Variants in GPT observed in about 807,000 individuals in gnomAD.
GPT encodes the protein glutamic--pyruvic transaminase.
GPT carries 60 observed loss-of-function variants against 51.4 expected under a neutral mutation model. That is an observed-to-expected ratio of 1.17 (90% CI 0.95 to 1.45). The LOEUF is 1.45. GPT is among the 40% of genes most tolerant of loss of function. The pLI is 0.00. For missense variants in GPT, 853 were observed against 704.0 expected (o/e 1.21, Z -2.40); for synonymous variants, 397 against 303.1 (o/e 1.31, Z -3.22).
chr8:144,504,958 A>C (rs1217733062), intron 3 of GPT, 40 bp from the exon 4 acceptor site: 7 of 1,612,938 alleles, frequency 4.3e-6, no homozygotes, highest in South Asian at 3.3e-5. Context: ...GCTGAGGAGA[A>C]CTTCACCTGT....
rs779666591 is a variant in GPT at position 144,506,171 on chromosome 8, G to C, written c.956+40G>C. ...GGCGGGTGGGGGCTCGCGGGCCATG[G>C]CCAGGCCCTCCTCGCCCGATGGGCC... On this transcript the variant is annotated intron_variant, in intron 7 of 10. Coordinates refer to ENST00000394955, the MANE Select transcript of GPT (RefSeq NM_005309.3). This position sits in a 1 kb window ranked among gnomAD's most constrained non-coding sequence, Gnocchi z 7.0. The C allele has an allele frequency of 3.4e-5, 54 of 1,604,076 alleles. No individual in the cohort carries two copies. The highest frequency in any genetic ancestry group is 4.5e-5 in the Non-Finnish European group (53 of 1,176,104).
At chr8:144,503,245 G>C (rs1055118957), upstream of GPT, 7 of 152,308 alleles carry the variant, frequency 4.6e-5, no homozygotes, top group East Asian at 1.4e-3. Flanking sequence ...TGCTCAGAGG[G>C]CCGGCTCCCT....
At position 144,506,574 on chromosome 8, in the gene GPT, G is replaced by A. The variant is rs1334007331; in HGVS notation, c.1205G>A (p.Gly402Asp). 6.3e-7 allele frequency: 1 copy of A among 1,578,784 alleles called. No homozygotes were observed. Among genetic ancestry groups the A allele is most frequent in the South Asian group, 1.2e-5 (1 of 86,424 alleles). Residue 402 changes from glycine (G) to aspartate (D), a missense_variant, in exon 9 of 11, where the codon GGC becomes GAC. Transcript: ENST00000394955. The surrounding 1 kb of genome is among the most constrained non-coding windows in gnomAD (Gnocchi z 7.0). Reference sequence around the variant, plus strand: ...GAGCAGGTCTTCAATGAGGCTCCTGGCATCAGCTGCAACCCAGTGCAGGGC... The same window carrying A: ...GAGCAGGTCTTCAATGAGGCTCCTGACATCAGCTGCAACCCAGTGCAGGGC... ...LTEQVFNEAPGISCNPVQGAM... is the reference protein window; with the variant it reads ...LTEQVFNEAPDISCNPVQGAM...
intron 1 of GPT, 30 bp downstream of exon 1, chr8:144,504,496 A>G (rs758832808): frequency 6.2e-7 from 1 of 1,607,862 alleles, no homozygotes; most frequent in Non-Finnish European, 8.5e-7. Flanking sequence ...GCTGCCCTCC[A>G]GGTCACAATG....
At position 144,505,284 on chromosome 8, in the gene GPT, A is replaced by G. The variant is rs148683067; in HGVS notation, c.534A>G (p.Thr178=). ...TGCTGGTGGCCGGCGAGGGCCACAC[A>G]CGCACGGGTGTGCTCATCCCCATCC... is the stretch of plus-strand genomic sequence containing the variant. ...LKLLVAGEGH[T]RTGVLIPIPQ... The change falls in exon 5 of 11, where the codon ACA becomes ACG. Residue 178 remains threonine (T), a synonymous_variant. Transcript: ENST00000394955. 1.3e-6 allele frequency: 2 copies of G among 1,582,992 alleles called. No homozygotes were observed. Among genetic ancestry groups the G allele is most frequent in the African/African-American group, 2.7e-5 (2 of 74,180 alleles).
rs781279489 is a variant in GPT at position 144,505,932 on chromosome 8, G to A, written c.819+5G>A. 1.2e-6 allele frequency: 2 copies of A among 1,609,974 alleles called. No homozygotes were observed. Among genetic ancestry groups the A allele is most frequent in the Non-Finnish European group, 8.5e-7 (1 of 1,178,906 alleles). On this transcript the variant is annotated splice_donor_5th_base_variant and intron_variant, in intron 6 of 10. Coordinates refer to ENST00000394955, the MANE Select transcript of GPT (RefSeq NM_005309.3). ...CTCTTTCTGCTGGCGGACGAGGTGC[G>A]CGGCGCGGGGGAGCGGGAAGCCGGG...
At position 144,505,294 on chromosome 8, in the gene GPT, G is replaced by A. The variant is rs1366535069; in HGVS notation, c.544G>A (p.Val182Met). ...CGGCGAGGGCCACACACGCACGGGTGTGCTCATCCCCATCCCCCAGTACCC... is the reference window on the plus strand; with the variant it reads ...CGGCGAGGGCCACACACGCACGGGTATGCTCATCCCCATCCCCCAGTACCC... ...VAGEGHTRTGVLIPIPQYPLY... is the reference protein window; with the variant it reads ...VAGEGHTRTGMLIPIPQYPLY... Residue 182 changes from valine (V) to methionine (M), a missense_variant, in exon 5 of 11, where the codon GTG (valine) becomes ATG (methionine). Val to Met is a conservative substitution (Grantham distance 21). Transcript: ENST00000394955. 1.9e-6 allele frequency: 3 copies of A among 1,576,634 alleles called. No individual in the cohort carries two copies. In the African/African-American group the frequency reaches 4.0e-5, roughly 21 times the overall value.
intron 4 of GPT, 52 bp from the exon 5 acceptor site, chr8:144,505,194 A>C: frequency 6.2e-7 from 1 of 1,612,374 alleles, no homozygotes; most frequent in Non-Finnish European, 8.5e-7. Context: ...AGGGTGGGGG[A>C]CAGGTGCGGC....
chr8:144,505,334 C>A lies in GPT; in HGVS notation c.584C>A (p.Thr195Lys). The A allele has an allele frequency of 6.4e-7, 1 of 1,571,416 alleles. No homozygotes were observed. Among genetic ancestry groups the A allele is most frequent in the Non-Finnish European group, 8.6e-7 (1 of 1,158,788 alleles). ...CCCCAGTACCCACTCTACTCGGCCACGCTGGCAGAGCTGGGCGCAGTGCAG... is the reference window on the plus strand; with the variant it reads ...CCCCAGTACCCACTCTACTCGGCCAAGCTGGCAGAGCTGGGCGCAGTGCAG... ...PIPQYPLYSA[T>K]LAELGAVQVD... Residue 195 changes from threonine (T) to lysine (K), a missense_variant, in exon 5 of 11, where the codon ACG (threonine) becomes AAG (lysine). Physicochemically the swap from Thr to Lys is moderately conservative, Grantham distance 78. Coordinates refer to ENST00000394955, the MANE Select transcript of GPT (RefSeq NM_005309.3).
Position 144,504,798 on chromosome 8 carries a change from C to T in GPT, c.280C>T (p.Leu94Phe), listed in dbSNP as rs748119689. The change falls in exon 3 of 11, where the codon CTT becomes TTT. Residue 94 changes from leucine to phenylalanine, a missense_variant. Coordinates refer to ENST00000394955, the MANE Select transcript of GPT (RefSeq NM_005309.3). Reference sequence around the variant, plus strand: ...CTTGGCCCTCTGTGTTAACCCTGATCTTCTGAGCAGCCCCAACTTCCCTGA... The same window carrying T: ...CTTGGCCCTCTGTGTTAACCCTGATTTTCTGAGCAGCCCCAACTTCCCTGA... Reference protein sequence around the residue: ...QVLALCVNPDLLSSPNFPDDA... With the variant: ...QVLALCVNPDFLSSPNFPDDA... The T allele has an allele frequency of 6.8e-6, 11 of 1,613,604 alleles. No homozygotes were observed. In the Admixed American group the frequency reaches 1.0e-4, roughly 15 times the overall value.
chr8:144,503,960 AC>A (rs988131085), upstream of GPT: 14 of 387,248 alleles, frequency 3.6e-5, no homozygotes, highest in East Asian at 3.6e-4. Flanking sequence ...GTCTGTACCT[AC>A]CCCCCATGTG....
Position 144,504,662 on chromosome 8 carries a change from T to C in GPT, c.221T>C (p.Met74Thr), listed in dbSNP as rs879744415. The change falls in exon 2 of 11, where the codon ATG becomes ACG. Residue 74 changes from methionine (M) to threonine (T), a missense_variant. Physicochemically the swap from Met to Thr is moderately conservative, Grantham distance 81 (BLOSUM62 -1). Coordinates refer to ENST00000394955, the MANE Select transcript of GPT (RefSeq NM_005309.3). Reference sequence around the variant, plus strand: ...GCCAACATCGGGGACGCACAGGCTATGGGGCAGAGGCCCATCACCTTCCTG... The same window carrying C: ...GCCAACATCGGGGACGCACAGGCTACGGGGCAGAGGCCCATCACCTTCCTG... Reference protein sequence around the residue: ...IRANIGDAQAMGQRPITFLRQ... With the variant: ...IRANIGDAQATGQRPITFLRQ... The C allele has an allele frequency of 3.7e-6, 6 of 1,613,192 alleles. No homozygotes were observed. Among genetic ancestry groups the C allele is most frequent in the East Asian group, 2.2e-5 (1 of 44,886 alleles).
At position 144,506,843 on chromosome 8, in the gene GPT, G is replaced by A. The variant is rs371318945; in HGVS notation, c.1400G>A (p.Arg467Gln). 18 of 1,612,380 alleles carry A rather than the reference G, an allele frequency of 1.1e-5. No homozygotes were observed. Among genetic ancestry groups the A allele is most frequent in the South Asian group, 4.4e-5 (4 of 91,072 alleles). The change falls in exon 10 of 11, where the codon CGG (arginine) becomes CAG (glutamine). Residue 467 changes from arginine to glutamine, a missense_variant and splice_region_variant. Transcript: ENST00000394955. This position sits in a 1 kb window ranked among gnomAD's most constrained non-coding sequence, Gnocchi z 7.0. ...CAGCGGGAAGGCACCTACCACTTCC[G>A]GTGAGGCCTGGCCCTCACTCCCTGT... ...FGQREGTYHFRMTILPPLEKL... is the reference protein window; with the variant it reads ...FGQREGTYHFQMTILPPLEKL...
At chr8:144,503,933 G>A, upstream of GPT, 1 of 345,426 alleles carries the variant, frequency 2.9e-6, no homozygotes, top group South Asian at 2.5e-5. Flanking sequence ...TAGTCCCTCA[G>A]AGCTGTCCGG....
chr8:144,505,198 G>A (rs374426053), intron 4 of GPT, 48 bp from the exon 5 acceptor site: 69 of 1,612,352 alleles, frequency 4.3e-5, no homozygotes, highest in Non-Finnish European at 5.8e-5. Context: ...TGGGGGACAG[G>A]TGCGGCCCCA....
chr8:144,507,025 G>A lies in GPT; in HGVS notation c.*25G>A. The A allele has an allele frequency of 6.4e-7, 1 of 1,569,954 alleles. No individual in the cohort carries two copies. Among genetic ancestry groups the A allele is most frequent in the Non-Finnish European group, 8.8e-7 (1 of 1,142,406 alleles). On this transcript the variant is annotated 3_prime_UTR_variant, in exon 11 of 11. Transcript: ENST00000394955. ...AGCACCCCAGCTGGGGCCAGGCTGG[G>A]TCGCCCTGGACTGTGTGCTCAGGAG...
chr8:144,505,361 T>C lies in GPT; in HGVS notation c.611T>C (p.Val204Ala), dbSNP rs1301608464. Residue 204 changes from valine (V) to alanine (A), a missense_variant, in exon 5 of 11, where the codon GTG (valine) becomes GCG (alanine). By Grantham distance (64) the Val-to-Ala change is moderately conservative (BLOSUM62 0). Coordinates refer to ENST00000394955, the MANE Select transcript of GPT (RefSeq NM_005309.3). ...CTGGCAGAGCTGGGCGCAGTGCAGGTGGATTACTACCTGGACGAGGAGCGT... is the reference window on the plus strand; with the variant it reads ...CTGGCAGAGCTGGGCGCAGTGCAGGCGGATTACTACCTGGACGAGGAGCGT... ...ATLAELGAVQ[V>A]DYYLDEERAW... 3 of 1,581,738 alleles carry C rather than the reference T, an allele frequency of 1.9e-6. No homozygotes were observed. The highest frequency in any genetic ancestry group is 2.3e-5 in the East Asian group (1 of 43,276).
At chr8:144,503,284 G>C (rs1003611036), upstream of GPT, among the ~76,000 whole-genome samples, 2 of 152,178 alleles carry the variant, frequency 1.3e-5, no homozygotes, top group South Asian at 4.1e-4. Flanking sequence ...TTCGGTGCCC[G>C]ACGCTGGGGT....
In GPT at chr8:144,507,104, G is replaced by A; in HGVS notation, c.*104G>A. The A allele has an allele frequency of 1.4e-6, 1 of 702,422 alleles. No individual in the cohort carries two copies. 43.5% of individuals were successfully genotyped at this position (702,422 alleles called of 1,614,324 possible). On this transcript the variant is annotated 3_prime_UTR_variant, in exon 11 of 11. Transcript: ENST00000394955. The stretch of plus-strand genomic sequence containing the variant: ...TTGCTCTTGATGCCTGGCGGGGTGG[G>A]GTGGGGGGGGTGCTGGGCCCCTGCC...
Sources: allele counts gnomAD v4.1 joint callset (sites outside exome capture counted in the v4.1 genomes callset), GRCh38; gene constraint gnomAD v4.1.1; non-coding constraint Gnocchi (gnomAD v3.1); transcripts MANE v1.5; gene names NCBI Gene and HGNC (gene_info 2026-07-23, HGNC 2026-07-21).